Variants in PTPRD observed in about 807,000 individuals in gnomAD.
PTPRD encodes the protein protein tyrosine phosphatase receptor type D.
In PTPRD, 34 loss-of-function variants were observed where a neutral mutation model predicts 214.5. The observed-to-expected ratio is 0.16, with a 90% CI of 0.12 to 0.21. The LOEUF is 0.21. Among genes scored for constraint, PTPRD ranks in the 10% least tolerant of loss-of-function variants. The pLI, the probability that PTPRD is intolerant of heterozygous loss-of-function variation, is 1.00. For synonymous variants in PTPRD, 1,128 were observed against 845.7 expected (o/e 1.33, Z -5.79); for missense variants, 2,545 against 2,398.7 (o/e 1.06, Z -1.27).
chr9:9,054,410 C>T (rs2099692443), intron 10 of PTPRD, among the ~76,000 whole-genome samples: 1 of 152,098 alleles, frequency 6.6e-6, no homozygotes, highest in African/African-American at 2.4e-5. Flanking sequence ...AGTGCTTCTT[C>T]CTGAATAAAT....
In PTPRD at chr9:10,362,336, ATTTT is replaced by A. The variant is rs34104705; in HGVS notation, c.-599-21323_-599-21320del. Among the ~76,000 whole-genome samples the A allele has an allele frequency of 4.9e-3, 698 of 142,128 alleles. 12 individuals carry two copies. Among genetic ancestry groups the A allele is most frequent in the African/African-American group, 0.017 (653 of 38,684 alleles). 93.2% of individuals were successfully genotyped at this position (142,128 alleles called of 152,430 possible). A position where few individuals can be genotyped will look rare whatever the true frequency, so the allele number is the denominator to read the frequency against. On this transcript the variant is annotated intron_variant, in intron 2 of 45. Coordinates refer to ENST00000381196, the MANE Select transcript of PTPRD (RefSeq NM_002839.4). ...TTCACAACAATCCTCTGACAGAGAA[ATTTT>A]TTTTTTTTTTTTTTTCAGATGAGAG...
chr9:9,934,595 A>G (rs1046506949), intron 5 of PTPRD, among the ~76,000 whole-genome samples: 63 of 151,468 alleles, frequency 4.2e-4, no homozygotes, highest in African/African-American at 1.3e-3. Context: ...TAGCTTACCA[A>G]CCAAAAAGAG....
intron 7 of PTPRD, among the ~76,000 whole-genome samples, chr9:9,669,397 T>C (rs542034997): frequency 1.2e-4 from 18 of 152,258 alleles, no homozygotes; most frequent in Admixed American, 4.6e-4. Flanking sequence ...CACTAGGAAA[T>C]TGATATTATT....
Position 10,031,350 on chromosome 9 carries a change from A to C in PTPRD, c.-472+2368T>G, listed in dbSNP as rs539726617. ...GCCAAAGGAGATTAACATTTGAGTC[A>C]GTGGGCTGGGGAAGGCAGACCCACC... is the stretch of plus-strand genomic sequence containing the variant. On this transcript the variant is annotated intron_variant, in intron 4 of 45. Coordinates refer to ENST00000381196, the MANE Select transcript of PTPRD (RefSeq NM_002839.4). Among the ~76,000 whole-genome samples, 89 of 152,076 alleles carry C rather than the reference A, an allele frequency of 5.9e-4. 1 individual carries two copies. The South Asian group carries it at 0.018, about 31-fold the overall frequency.
Position 9,008,009 on chromosome 9 carries a change from G to C in PTPRD, c.-104+10688C>G, listed in dbSNP as rs2099488305. 1.0e-4 allele frequency among the ~76,000 whole-genome samples: 2 copies of C among 19,908 alleles called. 1 individual carries two copies. Among genetic ancestry groups the C allele is most frequent in the Admixed American group, 2.0e-3 (2 of 1,008 alleles). 13.1% of individuals were successfully genotyped at this position (19,908 alleles called of 152,430 possible). ...ACATATGTATACATGTGCCGTGCTG[G>C]TGCGCTGTACCCATTAACTCAGAAA... On this transcript the variant is annotated intron_variant, in intron 11 of 45. Transcript: ENST00000381196.
intron 11 of PTPRD, among the ~76,000 whole-genome samples, chr9:8,945,554 C>T (rs537783304): frequency 8.5e-5 from 13 of 152,172 alleles, no homozygotes; most frequent in East Asian, 7.7e-4. Context: ...TACAGAGTAT[C>T]TTTATGATAC....
intron 11 of PTPRD, among the ~76,000 whole-genome samples, chr9:9,004,973 C>T (rs2099453130): frequency 1.3e-5 from 2 of 152,080 alleles, no homozygotes; most frequent in African/African-American, 2.4e-5. Flanking sequence ...GCATTATCCG[C>T]CAGGTGTTAA....
chr9:8,441,793 A>G (rs548787452), intron 34 of PTPRD, among the ~76,000 whole-genome samples: 1 of 152,156 alleles, frequency 6.6e-6, no homozygotes, highest in Non-Finnish European at 1.5e-5. Context: ...AGAGGAGTTA[A>G]AGAACTCGAT....
chr9:8,423,639 T>C (rs1471408739), intron 35 of PTPRD, among the ~76,000 whole-genome samples: 1 of 152,182 alleles, frequency 6.6e-6, no homozygotes, highest in Non-Finnish European at 1.5e-5. Context: ...ACTCGTGATA[T>C]GTAGTGAGAA....
chr9:9,246,738 C>T (rs555320271), intron 9 of PTPRD, among the ~76,000 whole-genome samples: 63 of 152,144 alleles, frequency 4.1e-4, no homozygotes, highest in Non-Finnish European at 5.9e-4. Flanking sequence ...CTGGACTGGC[C>T]TATTCTTGGA....
chr9:8,904,159 T>G (rs1236986443), intron 11 of PTPRD, among the ~76,000 whole-genome samples: 2 of 152,226 alleles, frequency 1.3e-5, no homozygotes, highest in African/African-American at 4.8e-5. Flanking sequence ...TCCTAAAACA[T>G]TTGTGAGTTA....
At chr9:10,503,107 C>G (rs12352003) in intron 2 of PTPRD, among the ~76,000 whole-genome samples, 2 of 143,628 alleles carry the variant, frequency 1.4e-5, no homozygotes, top group Admixed American at 7.7e-5. Flanking sequence ...ATTTTTGTCT[C>G]TCCAATGTAT....
In PTPRD at chr9:10,371,365, T is replaced by A. The variant is rs369204019; in HGVS notation, c.-599-30348A>T. ...TGAGTTGAACTGCATATTAGTATTA[T>A]GTTTATTTTCTTGTACAACTTTTTC... On this transcript the variant is annotated intron_variant, in intron 2 of 45. Transcript: ENST00000381196. Among the ~76,000 whole-genome samples the A allele has an allele frequency of 2.0e-5, 3 of 152,218 alleles. No homozygotes were observed. The South Asian group carries it at 6.2e-4, about 32-fold the overall frequency.
chr9:10,390,195 T>G (rs1245745480), intron 2 of PTPRD, among the ~76,000 whole-genome samples: 2 of 151,874 alleles, frequency 1.3e-5, no homozygotes, highest in African/African-American at 4.8e-5. Context: ...TACTTATCTC[T>G]GTATTATAGA....
At chr9:9,919,561 T>C (rs1308308049) in intron 5 of PTPRD, among the ~76,000 whole-genome samples, 1 of 152,164 alleles carries the variant, frequency 6.6e-6, no homozygotes, top group Non-Finnish European at 1.5e-5. Flanking sequence ...GGCCCAATGA[T>C]TCATGTAACT....
chr9:8,661,929 T>C (rs1456135594), intron 12 of PTPRD, among the ~76,000 whole-genome samples: 1 of 152,172 alleles, frequency 6.6e-6, no homozygotes, highest in Non-Finnish European at 1.5e-5. Context: ...TATTTATTTA[T>C]TTACCCATTC....
intron 7 of PTPRD, among the ~76,000 whole-genome samples, chr9:9,719,110 C>A (rs2097888436): frequency 1.3e-5 from 2 of 152,142 alleles, no homozygotes; most frequent in South Asian, 4.1e-4. Flanking sequence ...CACTCACTGA[C>A]AAAACAGCAT....
At chr9:9,602,706 C>A (rs1290102381) in intron 7 of PTPRD, among the ~76,000 whole-genome samples, 1 of 151,920 alleles carries the variant, frequency 6.6e-6, no homozygotes, top group Non-Finnish European at 1.5e-5. Context: ...TGTTGTTTCT[C>A]TAGTGTTACT....
intron 11 of PTPRD, among the ~76,000 whole-genome samples, chr9:8,966,986 G>A (rs1454112546): frequency 6.6e-6 from 1 of 151,850 alleles, no homozygotes; most frequent in African/African-American, 2.4e-5. Context: ...ATGGACCATA[G>A]ACATGAACAG....
Sources: gnomAD v4.1 joint callset for allele counts (sites outside exome capture counted in the v4.1 genomes callset) on GRCh38, gnomAD v4.1.1 for gene constraint, MANE v1.5 for transcripts, NCBI Gene and HGNC (gene_info 2026-07-23, HGNC 2026-07-21) for gene names.